Variants in L3MBTL2 observed in about 807,000 individuals in gnomAD.
L3MBTL2 encodes lethal(3)malignant brain tumor-like protein 2.
In L3MBTL2, 49 loss-of-function variants were observed where a neutral mutation model predicts 86.4. The ratio of observed to expected loss-of-function variants is 0.57; its 90% CI spans 0.45 to 0.72. The LOEUF is 0.72. Among genes scored for constraint, L3MBTL2 ranks in the 30% least tolerant of loss-of-function variants. The probability of loss-of-function intolerance (pLI) is 0.00; values close to 1 mark genes in which losing one functional copy is unlikely to be tolerated. For synonymous variants in L3MBTL2, 336 were observed against 350.6 expected (o/e 0.96, Z 0.47); for missense variants, 755 against 923.7 (o/e 0.82, Z 2.37).
At chr22:41,215,913 C>T (rs1018840872) in intron 3 of L3MBTL2, among the ~76,000 whole-genome samples, 1 of 152,162 alleles carries the variant, frequency 6.6e-6, no homozygotes, top group Non-Finnish European at 1.5e-5. Flanking sequence ...TGGGTCTCTC[C>T]CTGCTCTGCA....
intron 6 of L3MBTL2, among the ~76,000 whole-genome samples, chr22:41,220,315 G>A (rs1569145816): frequency 6.6e-6 from 1 of 152,136 alleles, no homozygotes; most frequent in East Asian, 1.9e-4. Flanking sequence ...GACTGTTGTG[G>A]ACAACAGGAA....
intron 16 of L3MBTL2, 125 bp downstream of exon 16, chr22:41,229,781 A>T: frequency 6.6e-7 from 1 of 1,512,680 alleles, no homozygotes; most frequent in South Asian, 1.2e-5. Context: ...CTGGGCACCA[A>T]GCAGTCCTGT....
rs753653854 is a variant in L3MBTL2, at chr22:41,224,053, G to A, written c.976G>A (p.Gly326Ser). The A allele has an allele frequency of 1.2e-6, 2 of 1,614,098 alleles. No homozygotes were observed. Among genetic ancestry groups the A allele is most frequent in the African/African-American group, 2.7e-5 (2 of 74,938 alleles). The change falls in exon 9 of 17, where the codon GGC becomes AGC. Residue 326 changes from glycine to serine, a missense_variant. Physicochemically the swap from Gly to Ser is moderately conservative, Grantham distance 56. This residue lies in a region of L3MBTL2 where 634 missense variants were observed against 748.9 expected (regional missense o/e 0.85). Transcript: ENST00000216237. This position sits in a 1 kb window ranked among gnomAD's most constrained non-coding sequence, Gnocchi z 4.9. ...GAGCATGAAGTACCCCTTTAGGCAG[G>A]GCATGCGGCTGGAAGTGGTGGACAA... ...VESMKYPFRQ[G>S]MRLEVVDKSQ...
intron 15 of L3MBTL2, among the ~76,000 whole-genome samples, chr22:41,229,214 C>T (rs1320460987): frequency 6.6e-6 from 1 of 152,070 alleles, no homozygotes; most frequent in African/African-American, 2.4e-5. Flanking sequence ...CTGTGATCAC[C>T]CCACTGTACT....
chr22:41,208,296 AT>A (rs771830116), intron 1 of L3MBTL2: 61 of 437,352 alleles, frequency 1.4e-4, no homozygotes, highest in Middle Eastern at 7.1e-4. Context: ...CACCTGGCTA[AT>A]TTTTTTTTCT....
Position 41,220,816 on chromosome 22 carries a change from C to T in L3MBTL2, c.801C>T (p.Val267=), listed in dbSNP as rs764494476. ...DFWCNLGTVD[V]HPIGWCAINS... ...GGTGCAACCTGGGAACAGTGGATGT[C>T]CACCCCATTGGCTGGTGTGCCATCA... Residue 267 remains valine, a synonymous_variant, in exon 7 of 17, where the codon GTC becomes GTT. Transcript: ENST00000216237. 1.2e-6 allele frequency: 2 copies of T among 1,613,932 alleles called. No homozygotes were observed. Among genetic ancestry groups the T allele is most frequent in the African/African-American group, 1.3e-5 (1 of 74,922 alleles).
chr22:41,216,728 C>T (rs1014036319), intron 4 of L3MBTL2, among the ~76,000 whole-genome samples: 2 of 152,176 alleles, frequency 1.3e-5, no homozygotes, highest in East Asian at 1.9e-4. Flanking sequence ...CTCAGCAGGC[C>T]GGAGCTCAGT....
At position 41,225,445 on chromosome 22, in the gene L3MBTL2, C is replaced by A. The variant is rs962591386; in HGVS notation, c.1357-349C>A. Among the ~76,000 whole-genome samples, 3 of 152,208 alleles carry A rather than the reference C, an allele frequency of 2.0e-5. No homozygotes were observed. Among genetic ancestry groups the A allele is most frequent in the East Asian group, 3.9e-4 (2 of 5,188 alleles). ...CCAAACCTCATCGCCTCCTCCTGAG[C>A]AGCACCCCCACCCCTCCTTGGCCCT... On this transcript the variant is annotated intron_variant, in intron 11 of 16. Coordinates refer to ENST00000216237, the MANE Select transcript of L3MBTL2 (RefSeq NM_031488.5). The surrounding 1 kb of genome is among the most constrained non-coding windows in gnomAD (Gnocchi z 4.1).
At chr22:41,208,007 T>G (rs777052620) in intron 1 of L3MBTL2, among the ~76,000 whole-genome samples, 2 of 152,014 alleles carry the variant, frequency 1.3e-5, no homozygotes, top group African/African-American at 2.4e-5. Flanking sequence ...ATTTTTTGTA[T>G]TTTTACTAGA....
chr22:41,219,437 T>C lies in L3MBTL2; in HGVS notation c.619T>C (p.Trp207Arg). 6.2e-7 allele frequency: 1 copy of C among 1,612,918 alleles called. No homozygotes were observed. Among genetic ancestry groups the C allele is most frequent in the Non-Finnish European group, 8.5e-7 (1 of 1,179,088 alleles). The change falls in exon 6 of 17, where the codon TGG becomes CGG. Residue 207 changes from tryptophan (W) to arginine (R), a missense_variant. Coordinates refer to ENST00000216237, the MANE Select transcript of L3MBTL2 (RefSeq NM_031488.5). ...CFKHVPLYDQ[W>R]EDVMKGMKVE... The stretch of plus-strand genomic sequence containing the variant: ...CACACAGGTCCCACTCTATGACCAG[T>C]GGGAGGATGTGATGAAAGGGATGAA...
intron 2 of L3MBTL2, among the ~76,000 whole-genome samples, chr22:41,212,156 T>G (rs536960105): frequency 7.3e-5 from 11 of 151,270 alleles, no homozygotes; most frequent in Non-Finnish European, 1.3e-4. Flanking sequence ...GAGCCACCGC[T>G]CCCGGCCTTA....
Position 41,230,650 on chromosome 22 carries a change from C to CCTG in L3MBTL2, c.*399_*400insCTG. 4.9e-6 allele frequency: 1 copy of CCTG among 204,144 alleles called. No homozygotes were observed. The highest frequency in any genetic ancestry group is 9.8e-6 in the Non-Finnish European group (1 of 101,808). The allele number at this position is 204,144 out of a possible 1,614,324, so 12.6% of individuals were successfully genotyped here. A position where few individuals can be genotyped will look rare whatever the true frequency, so the allele number is the denominator to read the frequency against. ...ATACAAGACAGTGAACTCTGTCTGC[C>CCTG]TGAACGAGCCATGTAAATTAAGTTC... On this transcript the variant is annotated 3_prime_UTR_variant, in exon 17 of 17. Transcript: ENST00000216237.
chr22:41,224,967 G>A lies in L3MBTL2; in HGVS notation c.1252G>A (p.Val418Ile), dbSNP rs748795661. The change falls in exon 11 of 17, where the codon GTA becomes ATA. Residue 418 changes from valine to isoleucine, a missense_variant and splice_region_variant. Around this residue, in one of 3 missense-constraint regions of L3MBTL2, gnomAD observed 634 missense variants for 748.9 expected, o/e 0.85. Coordinates refer to ENST00000216237, the MANE Select transcript of L3MBTL2 (RefSeq NM_031488.5). This position sits in a 1 kb window ranked among gnomAD's most constrained non-coding sequence, Gnocchi z 4.9. The stretch of plus-strand genomic sequence containing the variant: ...TCCCCAGCTGTCCCATTCCTTTAAG[G>A]TACGAGCAGTCTACACAGAAGGCGG... ...CDAVPYLFKKVRAVYTEGGWF... is the reference protein window; with the variant it reads ...CDAVPYLFKKIRAVYTEGGWF... The A allele has an allele frequency of 6.2e-7, 1 of 1,613,248 alleles. No individual in the cohort carries two copies. The highest frequency in any genetic ancestry group is 1.1e-5 in the South Asian group (1 of 91,024).
At chr22:41,217,052 C>T in intron 4 of L3MBTL2, 71 bp from the exon 5 acceptor site, 1 of 1,279,768 alleles carries the variant, frequency 7.8e-7, no homozygotes, top group South Asian at 1.2e-5. Context: ...CCCACAGGGC[C>T]CTTGGGGTCC....
At position 41,225,870 on chromosome 22, in the gene L3MBTL2, A is replaced by T; in HGVS notation, c.1433A>T (p.His478Leu). Reference sequence around the variant, plus strand: ...GATGGCTTGGACTGGTTCTGCTACCATGCCTCTTCCCACGCCATCTTCCCG... The same window carrying T: ...GATGGCTTGGACTGGTTCTGCTACCTTGCCTCTTCCCACGCCATCTTCCCG... ...STDGLDWFCY[H>L]ASSHAIFPAT... Residue 478 changes from histidine to leucine, a missense_variant, in exon 12 of 17, where the codon CAT (histidine) becomes CTT (leucine). This residue lies in a region of L3MBTL2 where 634 missense variants were observed against 748.9 expected (regional missense o/e 0.85). Coordinates refer to ENST00000216237, the MANE Select transcript of L3MBTL2 (RefSeq NM_031488.5). This position sits in a 1 kb window ranked among gnomAD's most constrained non-coding sequence, Gnocchi z 4.1. 6.2e-7 allele frequency: 1 copy of T among 1,614,116 alleles called. No individual in the cohort carries two copies. Among genetic ancestry groups the T allele is most frequent in the Non-Finnish European group, 8.5e-7 (1 of 1,179,992 alleles).
At position 41,225,939 on chromosome 22, in the gene L3MBTL2, A is replaced by C. The variant is rs1306426125; in HGVS notation, c.1502A>C (p.Lys501Thr). Residue 501 changes from lysine (K) to threonine (T), a missense_variant and splice_region_variant, in exon 12 of 17, where the codon AAA (lysine) becomes ACA (threonine). Lys to Thr is a moderately conservative substitution (Grantham distance 78). Transcript: ENST00000216237. This position sits in a 1 kb window ranked among gnomAD's most constrained non-coding sequence, Gnocchi z 4.1. ...QKNDIELTPP[K>T]GYEAQTFNWE... is the part of the protein sequence containing the mutation. The stretch of plus-strand genomic sequence containing the variant: ...AATGACATTGAGCTCACACCGCCAA[A>C]AGGTAAGACTAGAGAGGCCACCACC... The C allele has an allele frequency of 6.2e-7, 1 of 1,613,710 alleles. No homozygotes were observed. Among genetic ancestry groups the C allele is most frequent in the Non-Finnish European group, 8.5e-7 (1 of 1,179,972 alleles).
intron 2 of L3MBTL2, among the ~76,000 whole-genome samples, chr22:41,210,589 A>G (rs766490260): frequency 1.1e-4 from 16 of 152,202 alleles, no homozygotes; most frequent in Non-Finnish European, 2.1e-4. Context: ...TCGGCCTCCC[A>G]AAGTGCTGGG....
chr22:41,229,632 T>A lies in L3MBTL2; in HGVS notation c.1981T>A (p.Ser661Thr). Reference protein sequence around the residue: ...EDDPQGARKISSEPVPGEIIA... With the variant: ...EDDPQGARKITSEPVPGEIIA... ...CGACCCTCAGGGTGCCAGGAAGATC[T>A]CGTCGGAGCCTGTTCCTGGCGAGAG... The change falls in exon 16 of 17, where the codon TCG (serine) becomes ACG (threonine). Residue 661 changes from serine (S) to threonine (T), a missense_variant. Coordinates refer to ENST00000216237, the MANE Select transcript of L3MBTL2 (RefSeq NM_031488.5). 5.6e-6 allele frequency: 9 copies of A among 1,613,744 alleles called. No individual in the cohort carries two copies. Among genetic ancestry groups the A allele is most frequent in the Non-Finnish European group, 6.8e-6 (8 of 1,179,986 alleles).
chr22:41,209,916 G>C lies in L3MBTL2; in HGVS notation c.245G>C (p.Gly82Ala), dbSNP rs780813944. 1 of 1,613,810 alleles carries C rather than the reference G, an allele frequency of 6.2e-7. No individual in the cohort carries two copies. The highest frequency in any genetic ancestry group is 8.5e-7 in the Non-Finnish European group (1 of 1,179,822). ...LSPGTPRSLD[G>A]SGSEPAVCEM... is the part of the protein sequence containing the mutation. Reference sequence around the variant, plus strand: ...CCTGGGACTCCTCGCTCCTTGGATGGCAGTGGTTCTGAGCCAGGTGCCTTC... The same window carrying C: ...CCTGGGACTCCTCGCTCCTTGGATGCCAGTGGTTCTGAGCCAGGTGCCTTC... The change falls in exon 2 of 17, where the codon GGC becomes GCC. Residue 82 changes from glycine to alanine, a missense_variant. Coordinates refer to ENST00000216237, the MANE Select transcript of L3MBTL2 (RefSeq NM_031488.5).
Sources: gnomAD v4.1 joint callset for allele counts (sites outside exome capture counted in the v4.1 genomes callset) on GRCh38, gnomAD v4.1.1 for gene constraint, gnomAD v4.1.1 regional missense constraint, Gnocchi (gnomAD v3.1) non-coding constraint, MANE v1.5 for transcripts, NCBI Gene and HGNC (gene_info 2026-07-23, HGNC 2026-07-21) for gene names.